The following AJAP1 variants were observed in gnomAD, a reference collection of about 807,000 sequenced individuals.
AJAP1 encodes adherens junctions associated protein 1.
AJAP1 carries 5 observed loss-of-function variants against 35.0 expected under a neutral mutation model. The ratio of observed to expected loss-of-function variants is 0.14; its 90% CI spans 0.07 to 0.30. The LOEUF (loss-of-function observed/expected upper bound fraction) is 0.30, where lower values mean the gene tolerates loss of function less well. AJAP1 is among the 10% of genes least tolerant of loss of function. The probability of loss-of-function intolerance (pLI) is 1.00; values close to 1 mark genes in which losing one functional copy is unlikely to be tolerated. For synonymous variants in AJAP1, 284 were observed against 249.3 expected (o/e 1.14, Z -1.31); for missense variants, 586 against 571.0 (o/e 1.03, Z -0.27).
At chr1:4,661,991 T>C (rs1451923052) in intron 1 of AJAP1, among the ~76,000 whole-genome samples, 2 of 152,148 alleles carry the variant, frequency 1.3e-5, no homozygotes, top group African/African-American at 2.4e-5. Context: ...ATGATCACAT[T>C]GAGAAAGTTG....
chr1:4,677,784 AGCC>A (rs1240833615), intron 1 of AJAP1, among the ~76,000 whole-genome samples: 2 of 152,182 alleles, frequency 1.3e-5, no homozygotes, highest in Non-Finnish European at 2.9e-5. Flanking sequence ...GGTCATCAGA[AGCC>A]AGTAGCTAAA....
chr1:4,783,081 T>C lies in AJAP1; in HGVS notation c.*596T>C, dbSNP rs988695203. ...TTTGTACTGTAGCAATTTTTGAAGA[T>C]CTTAAATGTTCCTTTTTAAAAAAAA... On this transcript the variant is annotated 3_prime_UTR_variant, in exon 6 of 6. Transcript: ENST00000378191. The C allele has an allele frequency of 3.2e-5, 12 of 370,842 alleles. No homozygotes were observed. The highest frequency in any genetic ancestry group is 2.3e-4 in the African/African-American group (11 of 48,164). The allele number at this position is 370,842 out of a possible 1,614,324, so 23.0% of individuals were successfully genotyped here.
At chr1:4,759,532 C>T (rs1641517383) in intron 2 of AJAP1, among the ~76,000 whole-genome samples, 1 of 152,282 alleles carries the variant, frequency 6.6e-6, no homozygotes, top group African/African-American at 2.4e-5. Context: ...GCTCAAGCCT[C>T]TGCATAGACT....
chr1:4,755,179 A>G (rs912062943), intron 2 of AJAP1, among the ~76,000 whole-genome samples: 2 of 152,186 alleles, frequency 1.3e-5, no homozygotes, highest in African/African-American at 4.8e-5. Flanking sequence ...TTTCGAGTGC[A>G]TCTATTTATC....
intron 2 of AJAP1, among the ~76,000 whole-genome samples, chr1:4,719,281 G>C (rs760539445): frequency 6.6e-6 from 1 of 152,068 alleles, no homozygotes. Context: ...GGGTAGGAGC[G>C]GGATGAGGAG....
At position 4,745,754 on chromosome 1, in the gene AJAP1, G is replaced by A. The variant is rs1228816713; in HGVS notation, c.830-24099G>A. ...GGGGATGGTGGGTGGAGTCAAAGGA[G>A]GCTGCTGGGTCCTGGGCAGCGCTTC... On this transcript the variant is annotated intron_variant, in intron 2 of 5. Transcript: ENST00000378191. Among the ~76,000 whole-genome samples, 7 of 152,158 alleles carry A rather than the reference G, an allele frequency of 4.6e-5. No homozygotes were observed. In the South Asian group the frequency reaches 1.2e-3, roughly 27 times the overall value.
At chr1:4,759,239 C>T (rs1230666487) in intron 2 of AJAP1, among the ~76,000 whole-genome samples, 1 of 152,154 alleles carries the variant, frequency 6.6e-6, no homozygotes, top group Admixed American at 6.5e-5. Flanking sequence ...GCACATCAGT[C>T]CTGCACCAGG....
Position 4,712,448 on chromosome 1 carries a change from A to G in AJAP1, c.578A>G (p.Glu193Gly). 1 of 1,609,828 alleles carries G rather than the reference A, an allele frequency of 6.2e-7. No homozygotes were observed. Among genetic ancestry groups the G allele is most frequent in the Non-Finnish European group, 8.5e-7 (1 of 1,178,414 alleles). ...WGPTGDEEAL[E>G]SNTFPGVYGP... is the part of the protein sequence containing the mutation. Reference sequence around the variant, plus strand: ...CCCACGGGGGACGAGGAGGCCCTGGAGTCCAACACATTTCCGGGCGTTTAC... The same window carrying G: ...CCCACGGGGGACGAGGAGGCCCTGGGGTCCAACACATTTCCGGGCGTTTAC... The change falls in exon 2 of 6, where the codon GAG becomes GGG. Residue 193 changes from glutamate to glycine, a missense_variant. Glu to Gly is a moderately conservative substitution (Grantham distance 98). Coordinates refer to ENST00000378191, the MANE Select transcript of AJAP1 (RefSeq NM_018836.4).
chr1:4,696,972 A>G (rs1300785685), intron 1 of AJAP1, among the ~76,000 whole-genome samples: 2 of 151,868 alleles, frequency 1.3e-5, no homozygotes, highest in African/African-American at 4.8e-5. Context: ...GTGTCTCTGT[A>G]TGTGCACATG....
intron 2 of AJAP1, among the ~76,000 whole-genome samples, chr1:4,737,873 GC>G (rs1161395497): frequency 2.6e-5 from 4 of 152,212 alleles, no homozygotes; most frequent in Admixed American, 1.3e-4. Context: ...CTGCACTCCA[GC>G]CTGGGCGACA....
At chr1:4,672,204 T>C (rs1347189314) in intron 1 of AJAP1, among the ~76,000 whole-genome samples, 1 of 152,200 alleles carries the variant, frequency 6.6e-6, no homozygotes, top group Non-Finnish European at 1.5e-5. Flanking sequence ...CCTGTAGAGC[T>C]GGACTTTATT....
intron 3 of AJAP1, 88 bp from the exon 4 acceptor site, chr1:4,772,192 G>A (rs1641849935): frequency 1.9e-6 from 3 of 1,559,416 alleles, no homozygotes; most frequent in Middle Eastern, 1.8e-4. Flanking sequence ...ACGCCTGCAA[G>A]CGAAAGACCC....
At chr1:4,702,887 C>A (rs959889278) in intron 1 of AJAP1, among the ~76,000 whole-genome samples, 1 of 152,190 alleles carries the variant, frequency 6.6e-6, no homozygotes, top group African/African-American at 2.4e-5. Context: ...GGCAAGCCCC[C>A]AGACAACCAG....
At chr1:4,732,610 G>C (rs940517069) in intron 2 of AJAP1, among the ~76,000 whole-genome samples, 3 of 152,384 alleles carry the variant, frequency 2.0e-5, no homozygotes, top group Non-Finnish European at 4.4e-5. Context: ...CAATGAGAGT[G>C]TCCCTTGTGC....
intron 2 of AJAP1, 132 bp downstream of exon 2, chr1:4,712,831 C>CA: frequency 1.1e-6 from 1 of 938,832 alleles, no homozygotes; most frequent in African/African-American, 1.7e-5. Flanking sequence ...GTGATGTGTC[C>CA]ATGAGCTTGC....
chr1:4,736,798 G>A (rs958916392), intron 2 of AJAP1, among the ~76,000 whole-genome samples: 4 of 152,178 alleles, frequency 2.6e-5, no homozygotes, highest in African/African-American at 4.8e-5. Context: ...TGTGGAGAAC[G>A]TGCGGGGGCC....
chr1:4,781,253 G>A lies in AJAP1; in HGVS notation c.*60-1292G>A, dbSNP rs544394174. ...GTCCCAACCAGAATCACTGCGGTGG[G>A]CTCAGTTGATTCAGGAGAGAGAAAG... On this transcript the variant is annotated intron_variant, in intron 5 of 5. Coordinates refer to ENST00000378191, the MANE Select transcript of AJAP1 (RefSeq NM_018836.4). Among the ~76,000 whole-genome samples the A allele has an allele frequency of 2.3e-4, 35 of 152,258 alleles. 3 individuals carry two copies. Among genetic ancestry groups the A allele is most frequent in the East Asian group, 2.1e-3 (11 of 5,168 alleles).
rs1456399681 is a variant in AJAP1, at chr1:4,720,623, C to G, written c.829+7924C>G. Among the ~76,000 whole-genome samples, 1 of 152,204 alleles carries G rather than the reference C, an allele frequency of 6.6e-6. No homozygotes were observed. Among genetic ancestry groups the G allele is most frequent in the African/African-American group, 2.4e-5 (1 of 41,438 alleles). On this transcript the variant is annotated intron_variant, in intron 2 of 5. Transcript: ENST00000378191. This position sits in a 1 kb window ranked among gnomAD's most constrained non-coding sequence, Gnocchi z 4.4. ...CTGTTCTGAGACTGGACCATGCCAG[C>G]ACATGTGGGAAACTGAGCGCCATAG...
At chr1:4,715,944 GT>G (rs952374774) in intron 2 of AJAP1, among the ~76,000 whole-genome samples, 1 of 152,250 alleles carries the variant, frequency 6.6e-6, no homozygotes, top group Non-Finnish European at 1.5e-5. Context: ...TGGAATTGGA[GT>G]TTTAGGAGGT....
Sources: gnomAD v4.1 joint callset for allele counts (sites outside exome capture counted in the v4.1 genomes callset) on GRCh38, gnomAD v4.1.1 for gene constraint, Gnocchi (gnomAD v3.1) non-coding constraint, MANE v1.5 for transcripts, NCBI Gene and HGNC (gene_info 2026-07-23, HGNC 2026-07-21) for gene names.